Variants in PTAFR observed in about 807,000 individuals in gnomAD.
PTAFR encodes platelet activating factor receptor.
Under a neutral mutation model 14.7 loss-of-function variants are expected in PTAFR, and 8 were observed. The observed-to-expected ratio is 0.54, with a 90% CI of 0.32 to 0.98. The LOEUF is 0.98. PTAFR is among the 50% of genes least tolerant of loss of function. The pLI is 0.04. For missense variants in PTAFR, 337 were observed against 451.2 expected (o/e 0.75, Z 2.29); for synonymous variants, 156 against 176.5 (o/e 0.88, Z 0.92).
chr1:28,170,013 A>G (rs1383668539), intron 1 of PTAFR, among the ~76,000 whole-genome samples: 10 of 151,892 alleles, frequency 6.6e-5, no homozygotes, highest in Non-Finnish European at 1.2e-4. Flanking sequence ...AAAAAAAAAA[A>G]AAGAAGATGC....
intron 1 of PTAFR, among the ~76,000 whole-genome samples, chr1:28,189,441 A>G (rs1417100417): frequency 1.3e-5 from 2 of 151,642 alleles, no homozygotes; most frequent in Admixed American, 1.3e-4. Flanking sequence ...GTAAAACCCC[A>G]TCTCTACTTT....
intron 1 of PTAFR, among the ~76,000 whole-genome samples, chr1:28,159,987 A>G (rs1448016224): frequency 6.6e-6 from 1 of 152,068 alleles, no homozygotes; most frequent in Non-Finnish European, 1.5e-5. Flanking sequence ...CCAAGGCGGA[A>G]CAATTGCTTG....
intron 1 of PTAFR, among the ~76,000 whole-genome samples, chr1:28,174,189 T>G (rs376761200): frequency 1.3e-5 from 2 of 152,034 alleles, no homozygotes; most frequent in South Asian, 4.2e-4. Context: ...CACTTGCCCT[T>G]TGGGAGCTGG....
chr1:28,148,061 C>T lies in PTAFR; in HGVS notation c.*1932G>A, dbSNP rs1646135929. ...GCCCGGTACACAGGAAATGAGTATC[C>T]CAGCTTCACAGGGACACTGACTGGA... On this transcript the variant is annotated 3_prime_UTR_variant, in exon 2 of 2. Transcript: ENST00000373857. 1 of 152,098 alleles carries T rather than the reference C, an allele frequency of 6.6e-6. No individual in the cohort carries two copies. The highest frequency in any genetic ancestry group is 1.5e-5 in the Non-Finnish European group (1 of 68,002). The allele number at this position is 152,098 out of a possible 1,614,324, so 9.4% of individuals were successfully genotyped here.
chr1:28,174,076 C>T (rs1276396228), intron 1 of PTAFR, among the ~76,000 whole-genome samples: 2 of 152,188 alleles, frequency 1.3e-5, no homozygotes, highest in East Asian at 3.8e-4. Flanking sequence ...CACAGACACA[C>T]ATGCACACAC....
chr1:28,175,929 C>T (rs756425984), intron 1 of PTAFR, among the ~76,000 whole-genome samples: 1 of 151,966 alleles, frequency 6.6e-6, no homozygotes, highest in African/African-American at 2.4e-5. Context: ...ATCCAAGCTG[C>T]CCCCATCACC....
At chr1:28,161,321 G>T (rs774562966) in intron 1 of PTAFR, among the ~76,000 whole-genome samples, 1 of 152,172 alleles carries the variant, frequency 6.6e-6, no homozygotes, top group Non-Finnish European at 1.5e-5. Context: ...ATCCTTCTGG[G>T]TGTTGGGCAC....
At position 28,156,960 on chromosome 1, in the gene PTAFR, C is replaced by T. The variant is rs558220365; in HGVS notation, c.-38-5901G>A. Among the ~76,000 whole-genome samples the T allele has an allele frequency of 8.5e-5, 13 of 152,240 alleles. 1 individual carries two copies. In the East Asian group the frequency reaches 1.2e-3, roughly 14 times the overall value. On this transcript the variant is annotated intron_variant, in intron 1 of 1. Transcript: ENST00000373857. ...CAGGTCCGCACCTCCCTGCTACCCC[C>T]GCCCCCTTGCCCATCACAAAATGCC...
intron 1 of PTAFR, among the ~76,000 whole-genome samples, chr1:28,160,423 C>A (rs989692080): frequency 1.3e-5 from 2 of 151,016 alleles, no homozygotes; most frequent in African/African-American, 4.9e-5. Flanking sequence ...CCAGGAAGAC[C>A]AGGTGTGGTG....
At chr1:28,159,327 G>A (rs917862110) in intron 1 of PTAFR, among the ~76,000 whole-genome samples, 5 of 152,196 alleles carry the variant, frequency 3.3e-5, no homozygotes, top group African/African-American at 1.2e-4. Flanking sequence ...AGGCCTAAGG[G>A]AAGAAAGTTT....
At chr1:28,192,282 G>A (rs1195155296) in intron 1 of PTAFR, among the ~76,000 whole-genome samples, 1 of 151,994 alleles carries the variant, frequency 6.6e-6, no homozygotes, top group African/African-American at 2.4e-5. Context: ...ACTTGTGGCC[G>A]GGCGCAGTGG....
At chr1:28,184,970 T>G (rs1646594450) in intron 1 of PTAFR, among the ~76,000 whole-genome samples, 1 of 152,172 alleles carries the variant, frequency 6.6e-6, no homozygotes, top group Non-Finnish European at 1.5e-5. Flanking sequence ...TGTTGTTCTC[T>G]CTGCCTGGAC....
chr1:28,191,787 G>A (rs193212310), intron 1 of PTAFR, among the ~76,000 whole-genome samples: 57 of 151,640 alleles, frequency 3.8e-4, no homozygotes, highest in Admixed American at 7.2e-4. Flanking sequence ...AAGAGGCCAG[G>A]TGTGGTAGCT....
intron 1 of PTAFR, among the ~76,000 whole-genome samples, chr1:28,187,961 T>C (rs1003184657): frequency 6.6e-6 from 1 of 151,870 alleles, no homozygotes; most frequent in Non-Finnish European, 1.5e-5. Context: ...GGCCGATCAA[T>C]TGAGCCCAGG....
rs747144190 is a variant in PTAFR at position 28,150,087 on chromosome 1, C to T, written c.935G>A (p.Arg312His). 4.3e-6 allele frequency: 7 copies of T among 1,614,032 alleles called. No homozygotes were observed. Among genetic ancestry groups the T allele is most frequent in the East Asian group, 2.2e-5 (1 of 44,900 alleles). The change falls in exon 2 of 2, where the codon CGC (arginine) becomes CAC (histidine). Residue 312 changes from arginine to histidine, a missense_variant. Transcript: ENST00000373857. The surrounding 1 kb of genome is among the most constrained non-coding windows in gnomAD (Gnocchi z 6.3). ...GGCCCGGGAGCATTTCCGGCTACTG[C>T]GCATGCTGTAGAACTTTTCGGTGAG... Reference protein sequence around the residue: ...KHLTEKFYSMRSSRKCSRATT... With the variant: ...KHLTEKFYSMHSSRKCSRATT...
chr1:28,184,524 C>G (rs1646590605), intron 1 of PTAFR, among the ~76,000 whole-genome samples: 1 of 152,216 alleles, frequency 6.6e-6, no homozygotes, highest in Non-Finnish European at 1.5e-5. Context: ...AAAGCACCCT[C>G]AAGACCCTGT....
intron 1 of PTAFR, among the ~76,000 whole-genome samples, chr1:28,175,478 A>G (rs1410001229): frequency 6.6e-6 from 1 of 151,004 alleles, no homozygotes; most frequent in African/African-American, 2.4e-5. Flanking sequence ...CACCCCAAAC[A>G]CCTGGAACAC....
At chr1:28,156,709 T>C (rs1441588290) in intron 1 of PTAFR, among the ~76,000 whole-genome samples, 1 of 152,188 alleles carries the variant, frequency 6.6e-6, no homozygotes, top group African/African-American at 2.4e-5. Flanking sequence ...CCAGAAGACT[T>C]GAATACTGCT....
chr1:28,188,711 C>G (rs1646625867), intron 1 of PTAFR, among the ~76,000 whole-genome samples: 1 of 151,962 alleles, frequency 6.6e-6, no homozygotes, highest in African/African-American at 2.4e-5. Context: ...GCCTGGGCAA[C>G]AAGAGTGAAA....
Sources: allele counts gnomAD v4.1 joint callset (sites outside exome capture counted in the v4.1 genomes callset), GRCh38; gene constraint gnomAD v4.1.1; non-coding constraint Gnocchi (gnomAD v3.1); transcripts MANE v1.5; gene names NCBI Gene and HGNC (gene_info 2026-07-23, HGNC 2026-07-21).